FIRRM: variants seen among roughly 807,000 people sequenced by gnomAD.
The protein encoded by FIRRM is FIGNL1 interacting regulator of recombination and mitosis, also known as FIGNL1-interacting regulator of recombination and mitosis.
At chr1:169,829,452 A>G in the FIRRM span, 1 of 1,608,382 alleles carries the variant, frequency 6.2e-7, no homozygotes, top group Non-Finnish European at 8.5e-7. Flanking sequence ...CTGAACTGGT[A>G]AGCATATTAC....
chr1:169,827,751 G>A, the FIRRM span: 12 of 1,613,960 alleles, frequency 7.4e-6, no homozygotes, highest in African/African-American at 1.2e-4. Context: ...GTCTTCTTCT[G>A]GTTGTTGTCA....
At chr1:169,827,840 G>A in the FIRRM span, 1 of 1,613,722 alleles carries the variant, frequency 6.2e-7, no homozygotes, top group East Asian at 2.2e-5. Context: ...ACGACAACCA[G>A]GTAGCAAACA....
the FIRRM span, chr1:169,792,427 G>A: frequency 1.6e-6 from 1 of 642,638 alleles, no homozygotes; most frequent in Non-Finnish European, 2.5e-6. Flanking sequence ...GTGAGTAAAA[G>A]ACTGGTAACA....
At chr1:169,827,970 G>A in the FIRRM span, 2 of 890,836 alleles carry the variant, frequency 2.2e-6, no homozygotes, top group African/African-American at 1.7e-5. Context: ...TTATTGTGTA[G>A]ACACACATAT....
At chr1:169,807,797 C>A in the FIRRM span, 2 of 1,586,706 alleles carry the variant, frequency 1.3e-6, no homozygotes, top group Admixed American at 3.8e-5. Flanking sequence ...TTAGGCAGAG[C>A]CTTAAGCACC....
the FIRRM span, among the ~76,000 whole-genome samples, chr1:169,839,041 C>A: frequency 1.3e-5 from 2 of 152,116 alleles, no homozygotes; most frequent in Non-Finnish European, 2.9e-5. Flanking sequence ...ATTTGGTTTT[C>A]TGTTCCTTTG....
the FIRRM span, chr1:169,804,179 G>A: frequency 1.3e-6 from 2 of 1,598,878 alleles, no homozygotes; most frequent in East Asian, 2.3e-5. Context: ...TGGAACTGCT[G>A]GACATGGTTT....
the FIRRM span, among the ~76,000 whole-genome samples, chr1:169,817,993 A>G: frequency 2.0e-5 from 3 of 152,130 alleles, no homozygotes; most frequent in African/African-American, 7.2e-5. Context: ...ATGTTGTACA[A>G]CTTGCTCAAA....
At chr1:169,787,189 G>A in the FIRRM span, among the ~76,000 whole-genome samples, 1 of 152,154 alleles carries the variant, frequency 6.6e-6, no homozygotes, top group South Asian at 2.1e-4. Context: ...TGTGCAGTGT[G>A]CAGTGTGCAG....
chr1:169,792,821 G>A, the FIRRM span: 1 of 1,613,758 alleles, frequency 6.2e-7, no homozygotes, highest in Non-Finnish European at 8.5e-7. Flanking sequence ...GGTTTCTGAG[G>A]TGAGAATGAG....
At chr1:169,853,161 T>C in the FIRRM span, 1 of 653,130 alleles carries the variant, frequency 1.5e-6, no homozygotes. Flanking sequence ...AGAACTTTGG[T>C]ACAATGTACT....
At chr1:169,825,124 ACTG>A in the FIRRM span, among the ~76,000 whole-genome samples, 1 of 152,212 alleles carries the variant, frequency 6.6e-6, no homozygotes, top group African/African-American at 2.4e-5. Context: ...CATCACCTGA[ACTG>A]CTACCATCTG....
chr1:169,833,716 C>T, the FIRRM span, among the ~76,000 whole-genome samples: 1 of 152,150 alleles, frequency 6.6e-6, no homozygotes, highest in South Asian at 2.1e-4. Flanking sequence ...CGTAGCCCCA[C>T]CTATTAGCCC....
the FIRRM span, chr1:169,830,472 GATTTC>G: frequency 1.1e-6 from 1 of 929,508 alleles, no homozygotes; most frequent in Non-Finnish European, 1.6e-6. Flanking sequence ...AAAACGCTTT[GATTTC>G]ATATTACAGC....
At chr1:169,800,549 A>T in the FIRRM span, among the ~76,000 whole-genome samples, 1 of 152,182 alleles carries the variant, frequency 6.6e-6, no homozygotes, top group East Asian at 1.9e-4. Flanking sequence ...GTTTATCTAC[A>T]TTAAAATTGG....
chr1:169,803,068 GT>G, the FIRRM span: 2 of 1,022,270 alleles, frequency 2.0e-6, no homozygotes, highest in South Asian at 3.2e-5. Context: ...AAGAGACTGT[GT>G]TTTGTTCATT....
chr1:169,829,024 T>A, the FIRRM span, among the ~76,000 whole-genome samples: 17 of 152,320 alleles, frequency 1.1e-4, no homozygotes, highest in East Asian at 3.1e-3. Flanking sequence ...AGTACCAAGA[T>A]AAACAGTTGG....
the FIRRM span, among the ~76,000 whole-genome samples, chr1:169,824,412 T>C: frequency 6.6e-6 from 1 of 152,218 alleles, no homozygotes; most frequent in South Asian, 2.1e-4. Context: ...TATACAAATA[T>C]GCTGTTATTT....
the FIRRM span, among the ~76,000 whole-genome samples, chr1:169,801,143 C>T: frequency 2.0e-5 from 3 of 151,930 alleles, no homozygotes; most frequent in Non-Finnish European, 4.4e-5. Flanking sequence ...GATCATTAGG[C>T]AGTTAAAAAC....
Sources: gnomAD v4.1 joint callset for allele counts (sites outside exome capture counted in the v4.1 genomes callset) on GRCh38, gnomAD v4.1.1 for gene constraint, MANE v1.5 for transcripts, NCBI Gene and HGNC (gene_info 2026-07-23, HGNC 2026-07-21) for gene names.